CHST11: variants seen among roughly 807,000 people sequenced by gnomAD.
CHST11 encodes the protein C4S-1.
In CHST11, 9 loss-of-function variants were observed where a neutral mutation model predicts 30.4. That is an observed-to-expected ratio of 0.30 (90% CI 0.18 to 0.52). The LOEUF (loss-of-function observed/expected upper bound fraction) is 0.52. CHST11 is among the 20% of genes least tolerant of loss of function. The pLI is 0.97. For synonymous variants in CHST11, 152 were observed against 187.8 expected (o/e 0.81, Z 1.56); for missense variants, 348 against 460.6 (o/e 0.76, Z 2.24).
intron 1 of CHST11, among the ~76,000 whole-genome samples, chr12:104,593,283 G>A (rs1420072013): frequency 6.6e-6 from 1 of 152,160 alleles, no homozygotes; most frequent in Non-Finnish European, 1.5e-5. Flanking sequence ...AAATCCCTCA[G>A]TATTCTTCAG....
chr12:104,585,564 C>G (rs1400567886), intron 1 of CHST11, among the ~76,000 whole-genome samples: 1 of 152,238 alleles, frequency 6.6e-6, no homozygotes, highest in Non-Finnish European at 1.5e-5. Context: ...AACAACTCTA[C>G]TAGGTAGGCA....
At chr12:104,610,093 G>A (rs886326298) in intron 2 of CHST11, among the ~76,000 whole-genome samples, 3 of 105,822 alleles carry the variant, frequency 2.8e-5, no homozygotes, top group African/African-American at 1.1e-4. Flanking sequence ...GTGTGTGTGT[G>A]TGTCTGTGGT....
chr12:104,550,035 A>G (rs557401680), intron 1 of CHST11, among the ~76,000 whole-genome samples: 1 of 152,314 alleles, frequency 6.6e-6, no homozygotes, highest in African/African-American at 2.4e-5. Flanking sequence ...CTGGCTGTAA[A>G]TTGCACCGGG....
intron 1 of CHST11, among the ~76,000 whole-genome samples, chr12:104,481,342 C>T (rs187827369): frequency 5.3e-4 from 80 of 152,286 alleles, no homozygotes; most frequent in African/African-American, 1.9e-3. Flanking sequence ...CTGTGCTTGG[C>T]GTGCTTTTCC....
At chr12:104,707,342 G>A (rs1428113972) in intron 2 of CHST11, among the ~76,000 whole-genome samples, 1 of 152,188 alleles carries the variant, frequency 6.6e-6, no homozygotes, top group Non-Finnish European at 1.5e-5. Flanking sequence ...CATGTCCCAC[G>A]AATGGGCTGT....
intron 1 of CHST11, among the ~76,000 whole-genome samples, chr12:104,544,204 G>A (rs1009843430): frequency 3.4e-5 from 5 of 147,508 alleles, no homozygotes; most frequent in African/African-American, 1.0e-4. Flanking sequence ...ACTAATTAAC[G>A]CTCATACATA....
intron 2 of CHST11, 123 bp from the exon 3 acceptor site, chr12:104,756,826 C>T: frequency 8.6e-7 from 1 of 1,165,280 alleles, no homozygotes; most frequent in Non-Finnish European, 1.2e-6. Flanking sequence ...GGATTAAAGG[C>T]ATGAGCCACT....
chr12:104,535,325 G>A (rs2038227055), intron 1 of CHST11, among the ~76,000 whole-genome samples: 1 of 152,204 alleles, frequency 6.6e-6, no homozygotes, highest in Non-Finnish European at 1.5e-5. Context: ...TGTTCAGATG[G>A]TAGCTTGTTT....
chr12:104,526,530 C>T (rs2038127670), intron 1 of CHST11, among the ~76,000 whole-genome samples: 1 of 152,130 alleles, frequency 6.6e-6, no homozygotes, highest in African/African-American at 2.4e-5. Flanking sequence ...AGGTTTGCCC[C>T]TGTGAGGTGT....
chr12:104,662,295 G>A (rs11112148), intron 2 of CHST11, among the ~76,000 whole-genome samples: 11,934 of 152,206 alleles, frequency 0.078, 559 homozygotes, highest in South Asian at 0.16. Flanking sequence ...TGAGCCCCAC[G>A]TTTCTCATCT....
chr12:104,663,336 T>C (rs1168832451), intron 2 of CHST11, among the ~76,000 whole-genome samples: 1 of 151,928 alleles, frequency 6.6e-6, no homozygotes, highest in African/African-American at 2.4e-5. Flanking sequence ...ATTTTTAAAC[T>C]TTTTTTTGTA....
chr12:104,490,545 C>T (rs1474046559), intron 1 of CHST11, among the ~76,000 whole-genome samples: 1 of 152,190 alleles, frequency 6.6e-6, no homozygotes, highest in African/African-American at 2.4e-5. Context: ...TTACACCATT[C>T]CCAGATCAAG....
At chr12:104,594,530 G>C (rs932058829) in intron 1 of CHST11, among the ~76,000 whole-genome samples, 9 of 152,160 alleles carry the variant, frequency 5.9e-5, no homozygotes, top group East Asian at 3.8e-4. Context: ...TCGGGCTTCT[G>C]TACTCTCCCT....
chr12:104,576,123 G>A (rs973477276), intron 1 of CHST11, among the ~76,000 whole-genome samples: 2 of 152,010 alleles, frequency 1.3e-5, no homozygotes, highest in Non-Finnish European at 2.9e-5. Flanking sequence ...CGTGATGGTG[G>A]TTCACGTTAA....
chr12:104,734,203 G>T (rs924847721), intron 2 of CHST11, among the ~76,000 whole-genome samples: 2 of 152,236 alleles, frequency 1.3e-5, no homozygotes, highest in African/African-American at 4.8e-5. Flanking sequence ...AGAAGTGGAC[G>T]TGCTTTTCTG....
intron 1 of CHST11, chr12:104,553,481 A>G (rs2038423991): frequency 6.5e-6 from 1 of 153,208 alleles, no homozygotes; most frequent in Non-Finnish European, 1.5e-5. Flanking sequence ...CACAAGCTGT[A>G]TAGGAAGCAT....
chr12:104,601,260 C>T (rs1232912147), intron 1 of CHST11, among the ~76,000 whole-genome samples: 3 of 152,180 alleles, frequency 2.0e-5, no homozygotes, highest in African/African-American at 7.2e-5. Context: ...CTCTTGGTGG[C>T]TTCAATGTTG....
In CHST11 at chr12:104,700,771, A is replaced by G. The variant is rs183147054; in HGVS notation, c.205-56178A>G. ...CAGAGAAGGGAAGCTTTTTGGGAGA[A>G]TGGCATAATGAAAGGATTAAGATGT... On this transcript the variant is annotated intron_variant, in intron 2 of 2. Coordinates refer to ENST00000303694, the MANE Select transcript of CHST11 (RefSeq NM_018413.6). Among the ~76,000 whole-genome samples the G allele has an allele frequency of 4.6e-5, 7 of 152,312 alleles. No homozygotes were observed. In the East Asian group the frequency reaches 1.2e-3, roughly 25 times the overall value.
At chr12:104,505,286 A>T (rs948684987) in intron 1 of CHST11, among the ~76,000 whole-genome samples, 1 of 152,108 alleles carries the variant, frequency 6.6e-6, no homozygotes, top group Admixed American at 6.5e-5. Context: ...TGCTACTGGC[A>T]TCTGGTGGGT....
Sources: allele counts gnomAD v4.1 joint callset (sites outside exome capture counted in the v4.1 genomes callset), GRCh38; gene constraint gnomAD v4.1.1; transcripts MANE v1.5; gene names NCBI Gene and HGNC (gene_info 2026-07-23, HGNC 2026-07-21).